CARMIL2: variants seen among roughly 807,000 people sequenced by gnomAD.
CARMIL2 encodes the protein capping protein regulator and myosin 1 linker 2.
A neutral mutation model predicts 173.3 loss-of-function variants in CARMIL2; 96 were observed. The ratio of observed to expected loss-of-function variants is 0.55; its 90% confidence interval spans 0.47 to 0.66. The LOEUF (loss-of-function observed/expected upper bound fraction) is 0.66. CARMIL2 is among the 30% of genes least tolerant of loss of function. CARMIL2 has a pLI of 0.00. For missense variants in CARMIL2, 1,771 were observed against 1,906.7 expected, an observed-to-expected ratio of 0.93 and a Z score of 1.33; for synonymous variants, 830 against 817.1, an observed-to-expected ratio of 1.02 and a Z score of -0.27.
rs777860427 is a variant in CARMIL2, at chr16:67,648,641, C to T, written c.1440-44C>T. ...GCCTCCTTCGTTCGCACCCTGGAGC[C>T]CCCTGTCCCAGCTCCCGCCACCCCG... is the stretch of plus-strand genomic sequence containing the variant. On this transcript the variant is annotated intron_variant, in intron 15 of 37. Coordinates refer to ENST00000334583, the MANE Select transcript of CARMIL2 (RefSeq NM_001013838.3). This position sits in a 1 kb window ranked among gnomAD's most constrained non-coding sequence, Gnocchi z 6.1. The T allele has an allele frequency of 1.1e-5, 17 of 1,565,722 alleles. No homozygotes were observed. The East Asian group carries it at 2.6e-4, about 24-fold the overall frequency.
At position 67,657,249 on chromosome 16, in the gene CARMIL2, G is replaced by A; in HGVS notation, c.4128G>A (p.Leu1376=). 3.7e-6 allele frequency: 6 copies of A among 1,613,758 alleles called. No homozygotes were observed. Among genetic ancestry groups the A allele is most frequent in the Non-Finnish European group, 5.1e-6 (6 of 1,179,800 alleles). Residue 1376 remains leucine, a synonymous_variant, in exon 37 of 38, where the codon CTG becomes CTA. Transcript: ENST00000334583. This position sits in a 1 kb window ranked among gnomAD's most constrained non-coding sequence, Gnocchi z 4.5. ...TTCTGTGTCCCTTAGAACGGCCCCT[G>A]AGGCTGCAGCGCTCCCCCGTCCTCA... The part of the protein sequence containing the change: ...DQLQAPAERP[L]RLQRSPVLKR...
intron 32 of CARMIL2, 37 bp downstream of exon 32, chr16:67,654,937 A>C: frequency 6.2e-7 from 1 of 1,610,512 alleles, no homozygotes; most frequent in South Asian, 1.1e-5. Flanking sequence ...GTGAGAGGGC[A>C]GATGGCATGC....
chr16:67,650,144 A>G lies in CARMIL2; in HGVS notation c.2178A>G (p.Ser726=). ...LQPLGLVSDP[S]EQEVNELCQS... is the part of the protein sequence containing the mutation. ...CACTTGGTCTGGTCTCAGACCCCTCAGAGCAGGTCAATGTCCCCTCCCCAA... is the reference window on the plus strand; with the variant it reads ...CACTTGGTCTGGTCTCAGACCCCTCGGAGCAGGTCAATGTCCCCTCCCCAA... Residue 726 remains serine (S), a synonymous_variant, in exon 22 of 38, where the codon TCA becomes TCG. Transcript: ENST00000334583. The G allele has an allele frequency of 6.2e-7, 1 of 1,610,952 alleles. No homozygotes were observed. Among genetic ancestry groups the G allele is most frequent in the Non-Finnish European group, 8.5e-7 (1 of 1,178,898 alleles).
Position 67,656,318 on chromosome 16 carries a change from G to A in CARMIL2, c.3814+19G>A. ...TCTGCTGGTGAGTGAGGGCCACTGT[G>A]TGTGTTGGTAGTGGGAGCAGGGACA... On this transcript the variant is annotated intron_variant, in intron 34 of 37. Coordinates refer to ENST00000334583, the MANE Select transcript of CARMIL2 (RefSeq NM_001013838.3). The A allele has an allele frequency of 6.2e-7, 1 of 1,613,854 alleles. No homozygotes were observed. The highest frequency in any genetic ancestry group is 8.5e-7 in the Non-Finnish European group (1 of 1,179,742).
At chr16:67,645,852 C>T in intron 3 of CARMIL2, 75 bp downstream of exon 3, 2 of 1,582,290 alleles carry the variant, frequency 1.3e-6, no homozygotes, top group Non-Finnish European at 1.7e-6. Context: ...GCAGAGTGGT[C>T]CTTCTTGGCC....
In CARMIL2 at chr16:67,656,847, G is replaced by A; in HGVS notation, c.4083G>A (p.Val1361=). The A allele has an allele frequency of 6.4e-7, 1 of 1,550,640 alleles. No homozygotes were observed. The highest frequency in any genetic ancestry group is 1.2e-5 in the South Asian group (1 of 84,064). The change falls in exon 36 of 38, where the codon GTG becomes GTA. Residue 1361 remains valine (V), a synonymous_variant. Coordinates refer to ENST00000334583, the MANE Select transcript of CARMIL2 (RefSeq NM_001013838.3). ...CTCTCTCGGCAGGGCGGCGAGCAGT[G>A]TCTGTGCATGAGGACCAGCTCCAGG... ...PRPLSAGRRA[V]SVHEDQLQAP...
rs142413914 is a variant in CARMIL2, at chr16:67,650,949, T to C, written c.2185-238T>C. ...AGACTGAGCTTCTAAAACACAGACA[T>C]GATTTACAACTCCTTTCCTTCCTAT... On this transcript the variant is annotated intron_variant, in intron 22 of 37. Transcript: ENST00000334583. The C allele has an allele frequency of 2.7e-3, 1,324 of 492,080 alleles. 3 individuals carry two copies. The highest frequency in any genetic ancestry group is 4.3e-3 in the Non-Finnish European group (1,173 of 275,022). 30.5% of individuals were successfully genotyped at this position (492,080 alleles called of 1,614,324 possible). A position where few individuals can be genotyped will look rare whatever the true frequency, so the allele number is the denominator to read the frequency against.
Position 67,647,197 on chromosome 16 carries a change from G to A in CARMIL2, c.687+6G>A, listed in dbSNP as rs747475591. On this transcript the variant is annotated splice_donor_region_variant and intron_variant, in intron 9 of 37. Transcript: ENST00000334583. ...CCTGTGTGGACATGAAGCTGGTGAG[G>A]GGGTTCGGGGTAAGGGCAGGGAGGG... is the stretch of plus-strand genomic sequence containing the variant. 3 of 1,613,840 alleles carry A rather than the reference G, an allele frequency of 1.9e-6. No individual in the cohort carries two copies. Among genetic ancestry groups the A allele is most frequent in the Non-Finnish European group, 2.5e-6 (3 of 1,179,876 alleles).
chr16:67,650,333 A>G, intron 22 of CARMIL2, 183 bp downstream of exon 22: 1 of 599,002 alleles, frequency 1.7e-6, no homozygotes, highest in Non-Finnish European at 3.0e-6. Context: ...CTCTCCAAAT[A>G]ACACCCTTGG....
At position 67,652,390 on chromosome 16, in the gene CARMIL2, C is replaced by T. The variant is rs1015248806; in HGVS notation, c.2817+51C>T. On this transcript the variant is annotated intron_variant, in intron 27 of 37. Transcript: ENST00000334583. The surrounding 1 kb of genome is among the most constrained non-coding windows in gnomAD (Gnocchi z 4.7). ...TGGCACTCCCAGTCTTCCCATCTTG[C>T]TGTGGAGTGTGGAAGGTGAAAGGCA... is the stretch of plus-strand genomic sequence containing the variant. 16 of 1,611,564 alleles carry T rather than the reference C, an allele frequency of 9.9e-6. No homozygotes were observed. Among genetic ancestry groups the T allele is most frequent in the Non-Finnish European group, 1.4e-5 (16 of 1,178,540 alleles).
chr16:67,651,487 G>C lies in CARMIL2; in HGVS notation c.2400G>C (p.Val800=). ...AGCTGGAGGGCCTTCTGAGACAGGT[G>C]GGCGAGGTCTGCCGCCAGGACATCC... ...GQKLEGLLRQ[V]GEVCRQDIQD... Residue 800 remains valine, a synonymous_variant, in exon 24 of 38, where the codon GTG becomes GTC. Coordinates refer to ENST00000334583, the MANE Select transcript of CARMIL2 (RefSeq NM_001013838.3). The surrounding 1 kb of genome is among the most constrained non-coding windows in gnomAD (Gnocchi z 4.2). The C allele has an allele frequency of 6.3e-7, 1 of 1,596,522 alleles. No individual in the cohort carries two copies. Among genetic ancestry groups the C allele is most frequent in the South Asian group, 1.1e-5 (1 of 88,252 alleles).
In CARMIL2 at chr16:67,651,720, CCTCTGCCCACAGATG is replaced by C. The variant is rs746981129; in HGVS notation, c.2466_2480del (p.Cys823_Leu827del). On this transcript the variant is annotated inframe_deletion, in exon 25 of 38. Coordinates refer to ENST00000334583, the MANE Select transcript of CARMIL2 (RefSeq NM_001013838.3). The surrounding 1 kb of genome is among the most constrained non-coding windows in gnomAD (Gnocchi z 4.2). ...AGGCCACACTGGACACAGCAAGGAG[CCTCTGCCCACAGATG>C]CTGCAGGGATCCAGCTGGAGGGAGC... 2 of 1,606,860 alleles carry C rather than the reference CCTCTGCCCACAGATG, an allele frequency of 1.2e-6. No individual in the cohort carries two copies. The highest frequency in any genetic ancestry group is 1.7e-6 in the Non-Finnish European group (2 of 1,177,302).
In CARMIL2 at chr16:67,649,746, C is replaced by A; in HGVS notation, c.1920-60C>A. On this transcript the variant is annotated intron_variant, in intron 20 of 37. Coordinates refer to ENST00000334583, the MANE Select transcript of CARMIL2 (RefSeq NM_001013838.3). This position sits in a 1 kb window ranked among gnomAD's most constrained non-coding sequence, Gnocchi z 6.7. ...AGGCTGACGAGGCGAATGGACTAGG[C>A]CGAGGGTTGGGTGGGGCGTTGGGAA... The A allele has an allele frequency of 4.4e-6, 7 of 1,584,406 alleles. No homozygotes were observed. Among genetic ancestry groups the A allele is most frequent in the Non-Finnish European group, 6.0e-6 (7 of 1,164,186 alleles).
In CARMIL2 at chr16:67,647,290, G is replaced by T; in HGVS notation, c.688-9G>T. On this transcript the variant is annotated splice_polypyrimidine_tract_variant and intron_variant, in intron 9 of 37. Transcript: ENST00000334583. ...TGCAGCCCGTGAGCCGCCGCCCTCT[G>T]CTTCTCAGAGCCTTGAGGTCTCAGA... 6.2e-7 allele frequency: 1 copy of T among 1,606,994 alleles called. No individual in the cohort carries two copies.
chr16:67,652,196 C>T lies in CARMIL2; in HGVS notation c.2677-3C>T. 1 of 1,611,790 alleles carries T rather than the reference C, an allele frequency of 6.2e-7. No individual in the cohort carries two copies. ...TGCCATCTTTGGCTGCTTGGTATTGCAGGTGGAGAGTCTGGCTCAGCAGGC... is the reference window on the plus strand; with the variant it reads ...TGCCATCTTTGGCTGCTTGGTATTGTAGGTGGAGAGTCTGGCTCAGCAGGC... On this transcript the variant is annotated splice_region_variant and splice_polypyrimidine_tract_variant and intron_variant, in intron 26 of 37. Coordinates refer to ENST00000334583, the MANE Select transcript of CARMIL2 (RefSeq NM_001013838.3). This position sits in a 1 kb window ranked among gnomAD's most constrained non-coding sequence, Gnocchi z 4.7.
rs370191099 is a variant in CARMIL2, at chr16:67,647,501, T to C, written c.777-7T>C. The C allele has an allele frequency of 1.3e-6, 2 of 1,596,222 alleles. 1 individual carries two copies. Among genetic ancestry groups the C allele is most frequent in the South Asian group, 2.3e-5 (2 of 88,310 alleles). On this transcript the variant is annotated splice_region_variant and splice_polypyrimidine_tract_variant and intron_variant, in intron 10 of 37. Transcript: ENST00000334583. ...GCAGAATCTCATGCCTGGGGTCTGG[T>C]CCCCAGAGACTTTGTCCGACGACTG... is the stretch of plus-strand genomic sequence containing the variant.
chr16:67,646,369 G>C lies in CARMIL2; in HGVS notation c.375-57G>C. 1 of 1,607,458 alleles carries C rather than the reference G, an allele frequency of 6.2e-7. No individual in the cohort carries two copies. The highest frequency in any genetic ancestry group is 1.7e-5 in the Admixed American group (1 of 59,616). On this transcript the variant is annotated intron_variant, in intron 5 of 37. Coordinates refer to ENST00000334583, the MANE Select transcript of CARMIL2 (RefSeq NM_001013838.3). The surrounding 1 kb of genome is among the most constrained non-coding windows in gnomAD (Gnocchi z 4.6). Reference sequence around the variant, plus strand: ...GAGGAGGGAGTGCATGAGAAGGGCTGCTTCCCATCCCAGAGGCTGGAAGTC... The same window carrying C: ...GAGGAGGGAGTGCATGAGAAGGGCTCCTTCCCATCCCAGAGGCTGGAAGTC...
intron 30 of CARMIL2, 39 bp from the exon 31 acceptor site, chr16:67,654,293 C>G (rs761944379): frequency 2.5e-6 from 4 of 1,578,686 alleles, no homozygotes; most frequent in Non-Finnish European, 3.4e-6. Flanking sequence ...GGTGGGATGC[C>G]TGATGGGCTT....
At position 67,649,197 on chromosome 16, in the gene CARMIL2, C is replaced by A. The variant is rs1199993425; in HGVS notation, c.1688+25C>A. On this transcript the variant is annotated intron_variant, in intron 18 of 37. Transcript: ENST00000334583. The surrounding 1 kb of genome is among the most constrained non-coding windows in gnomAD (Gnocchi z 6.7). ...AGTGAGCCCCCACCCTACTCCTGGG[C>A]CTCCCAGACAACACCCCACCACCCC... is the stretch of plus-strand genomic sequence containing the variant. 1.2e-6 allele frequency: 2 copies of A among 1,612,624 alleles called. No individual in the cohort carries two copies. The highest frequency in any genetic ancestry group is 1.1e-5 in the South Asian group (1 of 90,982).
Sources: gnomAD v4.1 joint callset for allele counts on GRCh38, gnomAD v4.1.1 for gene constraint, Gnocchi (gnomAD v3.1) non-coding constraint, MANE v1.5 for transcripts, NCBI Gene and HGNC (gene_info 2026-07-23, HGNC 2026-07-21) for gene names.